ADCY5: variants seen among roughly 807,000 people sequenced by gnomAD.
The protein encoded by ADCY5 is adenylate cyclase type 5.
Under a neutral mutation model 119.7 loss-of-function variants are expected in ADCY5, and 30 were observed. The ratio of observed to expected loss-of-function variants is 0.25; its 90% CI spans 0.19 to 0.34. ADCY5 has a LOEUF of 0.34. Ranked by LOEUF, ADCY5 falls within the 10% of genes least tolerant of loss-of-function variation. ADCY5 has a pLI of 1.00. For missense variants in ADCY5, 1,324 were observed against 1,775.2 expected, an observed-to-expected ratio of 0.75 and a Z score of 4.57; for synonymous variants, 753 against 762.2, an observed-to-expected ratio of 0.99 and a Z score of 0.20.
At chr3:123,403,968 G>C (rs1052840591) in intron 1 of ADCY5, among the ~76,000 whole-genome samples, 18 of 152,284 alleles carry the variant, frequency 1.2e-4, no homozygotes, top group Admixed American at 1.2e-3. Flanking sequence ...TCTGACTACA[G>C]CCAGCTACAC....
intron 3 of ADCY5, among the ~76,000 whole-genome samples, chr3:123,333,786 C>A (rs1941894247): frequency 6.6e-6 from 1 of 152,164 alleles, no homozygotes; most frequent in Non-Finnish European, 1.5e-5. Flanking sequence ...GCATTTCAGG[C>A]CAGAATGATG....
At position 123,300,203 on chromosome 3, in the gene ADCY5, G is replaced by C. The variant is rs763313703; in HGVS notation, c.2817C>G (p.Ile939Met). ...CCACGATGAGCACGTAGATGAGCTC[G>C]ATGGCCAGCATGAGCACCAGCTTCC... ...CIGKLVLMLA[I>M]ELIYVLIVEV... The change falls in exon 15 of 21, where the codon ATC becomes ATG. Residue 939 changes from isoleucine (I) to methionine (M), a missense_variant. Physicochemically the swap from Ile to Met is conservative, Grantham distance 10. This residue lies in a region of ADCY5 where 424 missense variants were observed against 546.8 expected (regional missense o/e 0.78). Coordinates refer to ENST00000462833, the MANE Select transcript of ADCY5 (RefSeq NM_183357.3). The C allele has an allele frequency of 6.2e-7, 1 of 1,613,836 alleles. No homozygotes were observed. The highest frequency in any genetic ancestry group is 1.7e-5 in the Admixed American group (1 of 60,036).
intron 15 of ADCY5, among the ~76,000 whole-genome samples, chr3:123,298,521 T>G (rs866647648): frequency 6.6e-6 from 1 of 152,162 alleles, no homozygotes; most frequent in Non-Finnish European, 1.5e-5. Context: ...CTGTCCCATC[T>G]CTTTGTGGTC....
Position 123,399,711 on chromosome 3 carries a change from G to A in ADCY5, c.1135-47130C>T, listed in dbSNP as rs112200980. Reference sequence around the variant, plus strand: ...TTTCTGGAACAAACTGGTATTACCAGTTAGTTAATTGACTTAGACCTTTAG... The same window carrying A: ...TTTCTGGAACAAACTGGTATTACCAATTAGTTAATTGACTTAGACCTTTAG... On this transcript the variant is annotated intron_variant, in intron 1 of 20. Coordinates refer to ENST00000462833, the MANE Select transcript of ADCY5 (RefSeq NM_183357.3). 4.2e-3 allele frequency among the ~76,000 whole-genome samples: 646 copies of A among 152,296 alleles called. 8 individuals carry two copies. The highest frequency in any genetic ancestry group is 0.015 in the African/African-American group (627 of 41,552).
chr3:123,325,189 C>T, intron 8 of ADCY5, 133 bp downstream of exon 8: 1 of 1,234,010 alleles, frequency 8.1e-7, no homozygotes, highest in Non-Finnish European at 1.1e-6. Flanking sequence ...TTGGGGCAAA[C>T]CGCACTTGTA....
intron 3 of ADCY5, among the ~76,000 whole-genome samples, chr3:123,346,733 G>A (rs945663153): frequency 6.6e-6 from 1 of 152,030 alleles, no homozygotes; most frequent in African/African-American, 2.4e-5. Context: ...AGCCTCCAAA[G>A]AGTCCTCTTT....
Position 123,419,149 on chromosome 3 carries a change from G to A in ADCY5, c.1134+28263C>T, listed in dbSNP as rs111288662. 118 of 985,190 alleles carry A rather than the reference G, an allele frequency of 1.2e-4. No individual in the cohort carries two copies. The African/African-American group carries it at 1.9e-3, about 16-fold the overall frequency. 61.0% of individuals were successfully genotyped at this position (985,190 alleles called of 1,614,324 possible). ...TCCAGGGAACGCTGATAGTGCAGCC[G>A]GTGCCCGAGAGAGCACCGCATCCCC... On this transcript the variant is annotated intron_variant, in intron 1 of 20. Transcript: ENST00000462833.
At chr3:123,311,020 C>T (rs1477584625) in intron 12 of ADCY5, among the ~76,000 whole-genome samples, 2 of 152,206 alleles carry the variant, frequency 1.3e-5, no homozygotes, top group African/African-American at 2.4e-5. Flanking sequence ...TGTCAACACT[C>T]TCATATTTCT....
At chr3:123,426,702 T>G (rs1449651937) in intron 1 of ADCY5, among the ~76,000 whole-genome samples, 1 of 152,026 alleles carries the variant, frequency 6.6e-6, no homozygotes, top group Non-Finnish European at 1.5e-5. Context: ...AGTACATACT[T>G]TGTCAGGCAG....
At chr3:123,395,742 G>A (rs754211288) in intron 1 of ADCY5, among the ~76,000 whole-genome samples, 1 of 151,558 alleles carries the variant, frequency 6.6e-6, no homozygotes, top group South Asian at 2.1e-4. Context: ...TAATTGCCGG[G>A]TGTGGTGGCA....
At chr3:123,366,131 C>T (rs539186392) in intron 1 of ADCY5, among the ~76,000 whole-genome samples, 1 of 152,288 alleles carries the variant, frequency 6.6e-6, no homozygotes, top group African/African-American at 2.4e-5. Context: ...AAATTACTTT[C>T]ACCCATGGGT....
intron 18 of ADCY5, 33 bp downstream of exon 18, chr3:123,291,080 G>A (rs747333876): frequency 2.5e-6 from 4 of 1,586,088 alleles, no homozygotes; most frequent in African/African-American, 2.7e-5. Flanking sequence ...GCCCCTCCCA[G>A]GAACACAGCC....
At chr3:123,297,444 C>T (rs1460366786) in intron 15 of ADCY5, 62 bp from the exon 16 acceptor site, 3 of 1,553,152 alleles carry the variant, frequency 1.9e-6, no homozygotes, top group Non-Finnish European at 2.7e-6. Flanking sequence ...GGCCTCCACT[C>T]CTGCTCAGCC....
chr3:123,342,708 G>A (rs990169939), intron 3 of ADCY5, among the ~76,000 whole-genome samples: 1 of 150,922 alleles, frequency 6.6e-6, no homozygotes, highest in Non-Finnish European at 1.5e-5. Context: ...CAACACCTAC[G>A]ACCTTTAAAA....
At chr3:123,304,013 T>C (rs1576545374) in intron 13 of ADCY5, 54 bp downstream of exon 13, 3 of 1,277,284 alleles carry the variant, frequency 2.3e-6, no homozygotes, top group East Asian at 2.3e-5. Flanking sequence ...ATGGCTCCAC[T>C]GGGTTTGATC....
At chr3:123,433,346 G>C (rs1165784293) in intron 1 of ADCY5, among the ~76,000 whole-genome samples, 1 of 152,152 alleles carries the variant, frequency 6.6e-6, no homozygotes, top group Admixed American at 6.5e-5. Flanking sequence ...GCCAGTCAAG[G>C]GGGCAGATGG....
chr3:123,440,779 C>G (rs1945708993), intron 1 of ADCY5, among the ~76,000 whole-genome samples: 1 of 152,130 alleles, frequency 6.6e-6, no homozygotes, highest in South Asian at 2.1e-4. Flanking sequence ...CTAACCTCCC[C>G]CTCAAAAGGT....
intron 7 of ADCY5, among the ~76,000 whole-genome samples, chr3:123,326,802 T>C (rs1264723716): frequency 6.9e-6 from 1 of 145,458 alleles, no homozygotes; most frequent in Non-Finnish European, 1.5e-5. Context: ...CTGATGTCCC[T>C]CTTGGCACGG....
intron 12 of ADCY5, among the ~76,000 whole-genome samples, chr3:123,308,222 A>G (rs1304317061): frequency 6.6e-6 from 1 of 151,296 alleles, no homozygotes; most frequent in Admixed American, 6.6e-5. Flanking sequence ...TATTTTCAGT[A>G]CAGACAGGGT....
Sources: allele counts gnomAD v4.1 joint callset (sites outside exome capture counted in the v4.1 genomes callset), GRCh38; gene constraint gnomAD v4.1.1; regional missense constraint gnomAD v4.1.1; transcripts MANE v1.5; gene names NCBI Gene and HGNC (gene_info 2026-07-23, HGNC 2026-07-21).